The following INSM2 variants were observed in gnomAD, a reference collection of about 807,000 sequenced individuals.
INSM2 encodes INSM transcriptional repressor 2.
Under a neutral mutation model 30.5 loss-of-function variants are expected in INSM2, and 12 were observed. The observed-to-expected ratio is 0.39, with a 90% CI of 0.25 to 0.64. INSM2 has a LOEUF of 0.64. INSM2 is among the 30% of genes least tolerant of loss of function. The pLI is 0.47. For synonymous variants in INSM2, 418 were observed against 383.7 expected (o/e 1.09, Z -1.05); for missense variants, 773 against 819.2 (o/e 0.94, Z 0.69).
In INSM2 at chr14:35,534,169, A is replaced by G; in HGVS notation, c.-84A>G. 1.3e-6 allele frequency: 2 copies of G among 1,490,758 alleles called. No homozygotes were observed. The highest frequency in any genetic ancestry group is 2.7e-5 in the South Asian group (2 of 73,000). The allele number at this position is 1,490,758 out of a possible 1,614,324, so 92.3% of individuals were successfully genotyped here. A position where few individuals can be genotyped will look rare whatever the true frequency, so the allele number is the denominator to read the frequency against. On this transcript the variant is annotated 5_prime_UTR_variant, in exon 1 of 1. Coordinates refer to ENST00000307169, the MANE Select transcript of INSM2 (RefSeq NM_032594.4). ...AGCCCCGGCATGACAGCCGCGGCGA[A>G]GCTCTTCTAGTTCATCTGCTGGCCG...
rs1167887051 is a variant in INSM2, at chr14:35,535,401, G to A, written c.1149G>A (p.Pro383=). 8 of 1,611,572 alleles carry A rather than the reference G, an allele frequency of 5.0e-6. No individual in the cohort carries two copies. In the East Asian group the frequency reaches 8.9e-5, roughly 18 times the overall value. ...SGADQHPDSA[P]RQGLQVLTHP... ...CGGATCAGCACCCGGACAGCGCCCC[G>A]AGGCAGGGCCTCCAGGTGCTGACGC... The change falls in exon 1 of 1, where the codon CCG becomes CCA. Residue 383 remains proline, a synonymous_variant. Coordinates refer to ENST00000307169, the MANE Select transcript of INSM2 (RefSeq NM_032594.4).
chr14:35,536,060 T>C lies in INSM2; in HGVS notation c.*107T>C. On this transcript the variant is annotated 3_prime_UTR_variant, in exon 1 of 1. Coordinates refer to ENST00000307169, the MANE Select transcript of INSM2 (RefSeq NM_032594.4). ...GCAAGTTTACTTTCATTCCTTCCTATGTTTTAATCCCCTAAAATTCTCCCT... is the reference window on the plus strand; with the variant it reads ...GCAAGTTTACTTTCATTCCTTCCTACGTTTTAATCCCCTAAAATTCTCCCT... The C allele has an allele frequency of 1.5e-6, 2 of 1,363,336 alleles. No individual in the cohort carries two copies. The highest frequency in any genetic ancestry group is 2.0e-6 in the Non-Finnish European group (2 of 995,650). 84.5% of individuals were successfully genotyped at this position (1,363,336 alleles called of 1,614,324 possible). A position where few individuals can be genotyped will look rare whatever the true frequency, so the allele number is the denominator to read the frequency against.
rs61735254 is a variant in INSM2 at position 35,535,492 on chromosome 14, C to T, written c.1240C>T (p.Pro414Ser). The change falls in exon 1 of 1, where the codon CCG becomes TCG. Residue 414 changes from proline to serine, a missense_variant. Transcript: ENST00000307169. ...EGVLGRRVPV[P>S]GSTSGGRGSE... is the part of the protein sequence containing the mutation. ...GGTGTTGGGGCGCCGGGTACCTGTG[C>T]CGGGCAGTACCAGTGGTGGCAGGGG... 1.6e-3 allele frequency: 2,578 copies of T among 1,613,266 alleles called. 45 individuals are homozygous for T. In the African/African-American group the frequency reaches 0.031, roughly 19 times the overall value.
rs1237421017 is a variant in INSM2 at position 35,534,979 on chromosome 14, G to A, written c.727G>A (p.Glu243Lys). The change falls in exon 1 of 1, where the codon GAG becomes AAG. Residue 243 changes from glutamate to lysine, a missense_variant. Physicochemically the swap from Glu to Lys is moderately conservative, Grantham distance 56. Transcript: ENST00000307169. ...TSPVLGLKIK[E>K]EEPGAPSRGL... Reference sequence around the variant, plus strand: ...CCCTGTCCTGGGCCTGAAGATCAAGGAGGAGGAGCCCGGAGCGCCGTCCCG... The same window carrying A: ...CCCTGTCCTGGGCCTGAAGATCAAGAAGGAGGAGCCCGGAGCGCCGTCCCG... 1 of 1,565,064 alleles carries A rather than the reference G, an allele frequency of 6.4e-7. No individual in the cohort carries two copies. Among genetic ancestry groups the A allele is most frequent in the Admixed American group, 1.9e-5 (1 of 51,496 alleles).
Position 35,534,392 on chromosome 14 carries a change from C to T in INSM2, c.140C>T (p.Pro47Leu). 1 of 1,538,766 alleles carries T rather than the reference C, an allele frequency of 6.5e-7. No homozygotes were observed. Among genetic ancestry groups the T allele is most frequent in the Non-Finnish European group, 8.7e-7 (1 of 1,148,346 alleles). The change falls in exon 1 of 1, where the codon CCC becomes CTC. Residue 47 changes from proline to leucine, a missense_variant. Coordinates refer to ENST00000307169, the MANE Select transcript of INSM2 (RefSeq NM_032594.4). ...FLEEAPSASL[P>L]GAERATPPTR... Reference sequence around the variant, plus strand: ...GAGGAGGCTCCCAGCGCCTCCTTGCCCGGCGCGGAGCGGGCGACACCCCCC... The same window carrying T: ...GAGGAGGCTCCCAGCGCCTCCTTGCTCGGCGCGGAGCGGGCGACACCCCCC...
In INSM2 at chr14:35,534,789, G is replaced by A; in HGVS notation, c.537G>A (p.Pro179=). 1 of 1,442,988 alleles carries A rather than the reference G, an allele frequency of 6.9e-7. No homozygotes were observed. Among genetic ancestry groups the A allele is most frequent in the Non-Finnish European group, 9.1e-7 (1 of 1,103,360 alleles). The allele number at this position is 1,442,988 out of a possible 1,614,324, so 89.4% of individuals were successfully genotyped here. Residue 179 remains proline, a synonymous_variant, in exon 1 of 1, where the codon CCG becomes CCA. Coordinates refer to ENST00000307169, the MANE Select transcript of INSM2 (RefSeq NM_032594.4). ...CGTTCCCAGAGCCCGCGCTTCAGCC[G>A]GACCCTGCGCCCCTCTCGGCCGCCC... is the stretch of plus-strand genomic sequence containing the variant. ...RAPFPEPALQ[P]DPAPLSAALQ...
Position 35,534,610 on chromosome 14 carries a change from C to A in INSM2, c.358C>A (p.Leu120Met). ...TCCAGCGAAGCCGGCAGGCGCAGAG[C>A]TGCGTCGGGCGTTCCTGGAGCGCTG... Reference protein sequence around the residue: ...PSPAKPAGAELRRAFLERCLS... With the variant: ...PSPAKPAGAEMRRAFLERCLS... Residue 120 changes from leucine to methionine, a missense_variant, in exon 1 of 1, where the codon CTG (leucine) becomes ATG (methionine). By Grantham distance (15) the Leu-to-Met change is conservative. Coordinates refer to ENST00000307169, the MANE Select transcript of INSM2 (RefSeq NM_032594.4). 5 of 1,447,108 alleles carry A rather than the reference C, an allele frequency of 3.5e-6. No homozygotes were observed. Among genetic ancestry groups the A allele is most frequent in the Non-Finnish European group, 3.6e-6 (4 of 1,110,840 alleles). The allele number at this position is 1,447,108 out of a possible 1,614,324, so 89.6% of individuals were successfully genotyped here. A position where few individuals can be genotyped will look rare whatever the true frequency, so the allele number is the denominator to read the frequency against.
chr14:35,534,203 T>C lies in INSM2; in HGVS notation c.-50T>C. 1 of 1,546,494 alleles carries C rather than the reference T, an allele frequency of 6.5e-7. No homozygotes were observed. Among genetic ancestry groups the C allele is most frequent in the African/African-American group, 1.4e-5 (1 of 69,584 alleles). On this transcript the variant is annotated 5_prime_UTR_variant, in exon 1 of 1. Transcript: ENST00000307169. The stretch of plus-strand genomic sequence containing the variant: ...AGTTCATCTGCTGGCCGGCTCTCAG[T>C]CCCCGTGGCGCCCCCTTTCCTCTTG...
In INSM2 at chr14:35,535,034, G is replaced by A. The variant is rs2053586613; in HGVS notation, c.782G>A (p.Gly261Glu). 3 of 1,586,836 alleles carry A rather than the reference G, an allele frequency of 1.9e-6. No individual in the cohort carries two copies. Among genetic ancestry groups the A allele is most frequent in the Admixed American group, 1.8e-5 (1 of 56,906 alleles). ...RGLGGSRTPLGEFICQLCKEQ... is the reference protein window; with the variant it reads ...RGLGGSRTPLEEFICQLCKEQ... ...TTGGGGGGCAGCCGCACGCCACTGG[G>A]GGAGTTCATCTGCCAGCTGTGCAAG... The change falls in exon 1 of 1, where the codon GGG becomes GAG. Residue 261 changes from glycine to glutamate, a missense_variant. Physicochemically the swap from Gly to Glu is moderately conservative, Grantham distance 98. Coordinates refer to ENST00000307169, the MANE Select transcript of INSM2 (RefSeq NM_032594.4).
chr14:35,534,576 C>T lies in INSM2; in HGVS notation c.324C>T (p.Pro108=). ...AAGGTCCCGGGCCCAGCCCCAGCCC[C>T]AGCCCCAGTCCAGCGAAGCCGGCAG... ...GREGPGPSPS[P]SPSPAKPAGA... Residue 108 remains proline, a synonymous_variant, in exon 1 of 1, where the codon CCC becomes CCT. Transcript: ENST00000307169. 1.4e-6 allele frequency: 2 copies of T among 1,429,912 alleles called. No homozygotes were observed. The highest frequency in any genetic ancestry group is 2.9e-5 in the Admixed American group (1 of 34,660). The allele number at this position is 1,429,912 out of a possible 1,614,324, so 88.6% of individuals were successfully genotyped here.
chr14:35,534,639 C>T lies in INSM2; in HGVS notation c.387C>T (p.Leu129=). The T allele has an allele frequency of 7.0e-7, 1 of 1,431,432 alleles. No homozygotes were observed. Among genetic ancestry groups the T allele is most frequent in the Non-Finnish European group, 9.1e-7 (1 of 1,104,434 alleles). 88.7% of individuals were successfully genotyped at this position (1,431,432 alleles called of 1,614,324 possible). ...GTCGGGCGTTCCTGGAGCGCTGCCT[C>T]AGCTCGCCCGTCTCCGCCGAGTCTT... ...ELRRAFLERC[L]SSPVSAESFP... is the part of the protein sequence containing the mutation. Residue 129 remains leucine, a synonymous_variant, in exon 1 of 1, where the codon CTC becomes CTT. Coordinates refer to ENST00000307169, the MANE Select transcript of INSM2 (RefSeq NM_032594.4).
chr14:35,536,078 T>C lies in INSM2; in HGVS notation c.*125T>C, dbSNP rs2053597525. On this transcript the variant is annotated 3_prime_UTR_variant, in exon 1 of 1. Coordinates refer to ENST00000307169, the MANE Select transcript of INSM2 (RefSeq NM_032594.4). Reference sequence around the variant, plus strand: ...CTTCCTATGTTTTAATCCCCTAAAATTCTCCCTGTAGTCAATGTTCCACCA... The same window carrying C: ...CTTCCTATGTTTTAATCCCCTAAAACTCTCCCTGTAGTCAATGTTCCACCA... 1 of 1,217,926 alleles carries C rather than the reference T, an allele frequency of 8.2e-7. No individual in the cohort carries two copies. Among genetic ancestry groups the C allele is most frequent in the African/African-American group, 1.5e-5 (1 of 65,680 alleles). The allele number at this position is 1,217,926 out of a possible 1,614,324, so 75.4% of individuals were successfully genotyped here. A position where few individuals can be genotyped will look rare whatever the true frequency, so the allele number is the denominator to read the frequency against.
In INSM2 at chr14:35,535,662, C is replaced by T. The variant is rs756436213; in HGVS notation, c.1410C>T (p.Phe470=). The T allele has an allele frequency of 1.9e-6, 3 of 1,613,226 alleles. No homozygotes were observed. The highest frequency in any genetic ancestry group is 2.5e-6 in the Non-Finnish European group (3 of 1,180,028). The change falls in exon 1 of 1, where the codon TTC becomes TTT. Residue 470 remains phenylalanine, a synonymous_variant. Coordinates refer to ENST00000307169, the MANE Select transcript of INSM2 (RefSeq NM_032594.4). ...FGSERGAPLA[F]ACPLCGAHFP... ...CCGAACGCGGTGCCCCACTTGCCTT[C>T]GCTTGCCCATTGTGCGGAGCGCACT...
Position 35,536,089 on chromosome 14 carries a change from G to C in INSM2, c.*136G>C. Reference sequence around the variant, plus strand: ...TTAATCCCCTAAAATTCTCCCTGTAGTCAATGTTCCACCAGAGGAGCGGAC... The same window carrying C: ...TTAATCCCCTAAAATTCTCCCTGTACTCAATGTTCCACCAGAGGAGCGGAC... On this transcript the variant is annotated 3_prime_UTR_variant, in exon 1 of 1. Transcript: ENST00000307169. 1.8e-6 allele frequency: 2 copies of C among 1,091,598 alleles called. No homozygotes were observed. The highest frequency in any genetic ancestry group is 2.6e-6 in the Non-Finnish European group (2 of 755,590). The allele number at this position is 1,091,598 out of a possible 1,614,324, so 67.6% of individuals were successfully genotyped here.
rs777661164 is a variant in INSM2 at position 35,535,720 on chromosome 14, C to CTGTG, written c.1469_1472dup (p.Trp491CysfsTer25). 37 of 1,613,224 alleles carry CTGTG rather than the reference C, an allele frequency of 2.3e-5. No homozygotes were observed. The highest frequency in any genetic ancestry group is 1.6e-4 in the Middle Eastern group (1 of 6,078). ...AGCAGATATCAGGGAGAAGCACCGG[C>CTGTG]TGTGGCATGCTGTCCGCGAGGAGCT... On this transcript the variant is annotated frameshift_variant, in exon 1 of 1. Coordinates refer to ENST00000307169, the MANE Select transcript of INSM2 (RefSeq NM_032594.4). LOFTEE classifies it high-confidence loss of function.
rs748283397 is a variant in INSM2, at chr14:35,535,511, G to T, written c.1259G>T (p.Gly420Val). Residue 420 changes from glycine to valine, a missense_variant, in exon 1 of 1, where the codon GGC (glycine) becomes GTC (valine). Gly to Val is a moderately radical substitution (Grantham distance 109). Coordinates refer to ENST00000307169, the MANE Select transcript of INSM2 (RefSeq NM_032594.4). ...RVPVPGSTSGGRGSEIFVCPY... is the reference protein window; with the variant it reads ...RVPVPGSTSGVRGSEIFVCPY... ...CCTGTGCCGGGCAGTACCAGTGGTG[G>T]CAGGGGATCCGAGATTTTCGTGTGC... 8 of 1,613,322 alleles carry T rather than the reference G, an allele frequency of 5.0e-6. No individual in the cohort carries two copies. In the South Asian group the frequency reaches 6.6e-5, roughly 13 times the overall value.
rs1467779505 is a variant in INSM2, at chr14:35,536,190, A to C, written c.*237A>C. On this transcript the variant is annotated 3_prime_UTR_variant, in exon 1 of 1. Coordinates refer to ENST00000307169, the MANE Select transcript of INSM2 (RefSeq NM_032594.4). ...TTGAGATCAAAGACTGTCAGCTTTA[A>C]ATCCTTCTCACTTTCCCCACTAAAA... is the stretch of plus-strand genomic sequence containing the variant. 3.0e-5 allele frequency: 14 copies of C among 471,468 alleles called. No homozygotes were observed. The East Asian group carries it at 5.0e-4, about 17-fold the overall frequency. 29.2% of individuals were successfully genotyped at this position (471,468 alleles called of 1,614,324 possible). A position where few individuals can be genotyped will look rare whatever the true frequency, so the allele number is the denominator to read the frequency against.
Position 35,535,129 on chromosome 14 carries a change from T to C in INSM2, c.877T>C (p.Cys293Arg), listed in dbSNP as rs1273490108. 1 of 1,609,828 alleles carries C rather than the reference T, an allele frequency of 6.2e-7. No individual in the cohort carries two copies. Among genetic ancestry groups the C allele is most frequent in the South Asian group, 1.1e-5 (1 of 90,618 alleles). ...CSRIVRVEYR[C>R]PECDKVFSCP... ...CCGCATCGTGCGCGTAGAGTACCGCTGCCCTGAGTGCGACAAGGTGTTCAG... is the reference window on the plus strand; with the variant it reads ...CCGCATCGTGCGCGTAGAGTACCGCCGCCCTGAGTGCGACAAGGTGTTCAG... The change falls in exon 1 of 1, where the codon TGC (cysteine) becomes CGC (arginine). Residue 293 changes from cysteine (C) to arginine (R), a missense_variant. Physicochemically the swap from Cys to Arg is radical, Grantham distance 180. Coordinates refer to ENST00000307169, the MANE Select transcript of INSM2 (RefSeq NM_032594.4).
chr14:35,535,975 T>G lies in INSM2; in HGVS notation c.*22T>G. The G allele has an allele frequency of 6.4e-7, 1 of 1,568,514 alleles. No homozygotes were observed. The highest frequency in any genetic ancestry group is 8.6e-7 in the Non-Finnish European group (1 of 1,160,766). ...CTGAGGGACGAGAGACCAGGATGAT[T>G]TCGAGGTTGGCCTTAGAGGAAACAG... On this transcript the variant is annotated 3_prime_UTR_variant, in exon 1 of 1. Coordinates refer to ENST00000307169, the MANE Select transcript of INSM2 (RefSeq NM_032594.4).
Sources: allele counts gnomAD v4.1 joint callset, GRCh38; gene constraint gnomAD v4.1.1; transcripts MANE v1.5; gene names NCBI Gene and HGNC (gene_info 2026-07-23, HGNC 2026-07-21).